The following MRPS28 variants were observed in gnomAD, a reference collection of about 807,000 sequenced individuals.
MRPS28 encodes the protein small ribosomal subunit protein bS1m.
MRPS28 carries 7 observed loss-of-function variants against 10.8 expected under a neutral mutation model. The ratio of observed to expected loss-of-function variants is 0.65; its 90% CI spans 0.37 to 1.22. MRPS28 has a LOEUF of 1.22. Among genes scored for constraint, MRPS28 ranks in the 50% most tolerant of loss-of-function variants. The pLI, the probability that MRPS28 is intolerant of heterozygous loss-of-function variation, is 0.02. For synonymous variants in MRPS28, 121 were observed against 93.3 expected, an observed-to-expected ratio of 1.30 and a Z score of -1.71; for missense variants, 265 against 232.9, an observed-to-expected ratio of 1.14 and a Z score of -0.90.
chr8:80,029,928 C>G (rs1193876218), intron 1 of MRPS28, 108 bp downstream of exon 1: 4 of 1,536,434 alleles, frequency 2.6e-6, no homozygotes, highest in Non-Finnish European at 3.5e-6. Context: ...AACTGGGCCC[C>G]GGACCTCAGC....
chr8:79,994,206 T>C (rs1398826866), intron 2 of MRPS28, among the ~76,000 whole-genome samples: 1 of 152,166 alleles, frequency 6.6e-6, no homozygotes, highest in African/African-American at 2.4e-5. Context: ...ATGAAAAGAT[T>C]TGGAGAATTT....
At chr8:79,936,405 T>C (rs1379408115) in intron 2 of MRPS28, among the ~76,000 whole-genome samples, 2 of 151,804 alleles carry the variant, frequency 1.3e-5, no homozygotes, top group Non-Finnish European at 2.9e-5. Flanking sequence ...AGTGGGCTAG[T>C]TGAGATTTTA....
Position 79,983,024 on chromosome 8 carries a change from C to A in MRPS28, c.395+19975G>T, listed in dbSNP as rs559329508. On this transcript the variant is annotated intron_variant, in intron 2 of 2. Coordinates refer to ENST00000276585, the MANE Select transcript of MRPS28 (RefSeq NM_014018.3). ...AGCAGCCTAACTGGGAGGCACCCCC[C>A]AGTAGGGGCAGACTGACACCTCACA... Among the ~76,000 whole-genome samples, 55 of 145,550 alleles carry A rather than the reference C, an allele frequency of 3.8e-4. No homozygotes were observed. The East Asian group carries it at 9.5e-3, about 25-fold the overall frequency.
At chr8:80,024,897 A>G (rs1809458586) in intron 1 of MRPS28, among the ~76,000 whole-genome samples, 1 of 152,250 alleles carries the variant, frequency 6.6e-6, no homozygotes, top group Non-Finnish European at 1.5e-5. Context: ...GTAAAACACA[A>G]AACTCCAGAG....
intron 2 of MRPS28, among the ~76,000 whole-genome samples, chr8:79,919,965 G>T (rs767775840): frequency 9.6e-5 from 10 of 104,018 alleles, no homozygotes; most frequent in African/African-American, 3.2e-4. Flanking sequence ...AACAGGCCCC[G>T]GTGTGTGATG....
At chr8:79,969,189 T>A (rs1807570723) in intron 2 of MRPS28, among the ~76,000 whole-genome samples, 1 of 152,102 alleles carries the variant, frequency 6.6e-6, no homozygotes, top group Admixed American at 6.6e-5. Flanking sequence ...AAGAAAAAAA[T>A]AATAATTTAA....
chr8:79,935,263 G>C (rs2129911281), intron 2 of MRPS28, among the ~76,000 whole-genome samples: 1 of 152,262 alleles, frequency 6.6e-6, no homozygotes, highest in South Asian at 2.1e-4. Context: ...CCCCAATCCT[G>C]ACTAGTACTG....
intron 1 of MRPS28, among the ~76,000 whole-genome samples, chr8:80,011,119 T>C (rs999987481): frequency 6.7e-6 from 1 of 150,276 alleles, no homozygotes; most frequent in Non-Finnish European, 1.5e-5. Flanking sequence ...AGCCATTCTT[T>C]TTTTTTTATT....
intron 2 of MRPS28, among the ~76,000 whole-genome samples, chr8:79,937,581 C>A (rs1806636210): frequency 6.6e-6 from 1 of 152,102 alleles, no homozygotes; most frequent in African/African-American, 2.4e-5. Flanking sequence ...CAACAAATAA[C>A]TAAAATTTGT....
At chr8:79,935,669 G>T (rs1024446050) in intron 2 of MRPS28, among the ~76,000 whole-genome samples, 1 of 152,202 alleles carries the variant, frequency 6.6e-6, no homozygotes, top group Non-Finnish European at 1.5e-5. Flanking sequence ...ATTTATGTTT[G>T]TAGAGAGATA....
At chr8:79,994,420 A>G (rs769904015) in intron 2 of MRPS28, among the ~76,000 whole-genome samples, 1 of 151,406 alleles carries the variant, frequency 6.6e-6, no homozygotes, top group Non-Finnish European at 1.5e-5. Context: ...TCAATAACAC[A>G]CTCCCCTTCT....
chr8:80,017,921 T>C (rs1018282901), intron 1 of MRPS28, among the ~76,000 whole-genome samples: 2 of 152,030 alleles, frequency 1.3e-5, no homozygotes, highest in Non-Finnish European at 2.9e-5. Flanking sequence ...CATTCAAAAA[T>C]CAAAATGTAG....
At chr8:80,014,413 A>G (rs1809141830) in intron 1 of MRPS28, among the ~76,000 whole-genome samples, 2 of 152,218 alleles carry the variant, frequency 1.3e-5, no homozygotes, top group Non-Finnish European at 2.9e-5. Flanking sequence ...TAGAAGCAGC[A>G]AAGAAAAGAC....
At chr8:79,979,597 C>G (rs1258664069) in intron 2 of MRPS28, among the ~76,000 whole-genome samples, 2 of 152,122 alleles carry the variant, frequency 1.3e-5, no homozygotes, top group African/African-American at 4.8e-5. Flanking sequence ...AAACACAGCT[C>G]ACTCCAGCTG....
intron 2 of MRPS28, among the ~76,000 whole-genome samples, chr8:80,002,196 A>C (rs1196379076): frequency 1.3e-5 from 2 of 152,122 alleles, no homozygotes; most frequent in Non-Finnish European, 2.9e-5. Context: ...TCATTTCCAC[A>C]ATATGACCAA....
chr8:79,942,372 A>G (rs529551459), intron 2 of MRPS28, among the ~76,000 whole-genome samples: 1 of 152,328 alleles, frequency 6.6e-6, no homozygotes, highest in East Asian at 1.9e-4. Context: ...ACAGTGCTTT[A>G]TATCTACCTC....
intron 2 of MRPS28, among the ~76,000 whole-genome samples, chr8:79,984,483 T>C (rs1000401737): frequency 3.0e-4 from 45 of 152,100 alleles, no homozygotes; most frequent in African/African-American, 8.2e-4. Context: ...GACTGGCAAA[T>C]TGGATAAAGA....
intron 2 of MRPS28, among the ~76,000 whole-genome samples, chr8:79,949,087 G>A (rs914880956): frequency 6.6e-6 from 1 of 152,066 alleles, no homozygotes; most frequent in Non-Finnish European, 1.5e-5. Flanking sequence ...ATGATTCAGT[G>A]TAGCTCAGTC....
intron 1 of MRPS28, among the ~76,000 whole-genome samples, chr8:80,023,254 T>C (rs762538317): frequency 1.8e-4 from 27 of 152,180 alleles, no homozygotes; most frequent in Non-Finnish European, 3.7e-4. Context: ...ATCAAATAGT[T>C]TTTAAAACAC....
Sources: gnomAD v4.1 joint callset for allele counts (sites outside exome capture counted in the v4.1 genomes callset) on GRCh38, gnomAD v4.1.1 for gene constraint, MANE v1.5 for transcripts, NCBI Gene and HGNC (gene_info 2026-07-23, HGNC 2026-07-21) for gene names.